SV2C: variants seen among roughly 807,000 people sequenced by gnomAD.
The protein encoded by SV2C is solute carrier family 22 member B3.
In SV2C, 49 loss-of-function variants were observed where a neutral mutation model predicts 79.7. The ratio of observed to expected loss-of-function variants is 0.61; its 90% CI spans 0.49 to 0.78. SV2C has a LOEUF of 0.78. Among genes scored for constraint, SV2C ranks in the 30% least tolerant of loss-of-function variants. The pLI is 0.00. For synonymous variants in SV2C, 334 were observed against 333.2 expected (o/e 1.00, Z -0.03); for missense variants, 833 against 912.9 (o/e 0.91, Z 1.13).
intron 2 of SV2C, chr5:76,173,844 C>A (rs376625037): frequency 7.1e-5 from 114 of 1,598,068 alleles, no homozygotes; most frequent in Non-Finnish European, 9.6e-5. Context: ...TTATTACCAA[C>A]AAGAATCATT....
chr5:76,350,020 A>G (rs779932783), intron 12 of SV2C, among the ~76,000 whole-genome samples: 16 of 152,176 alleles, frequency 1.1e-4, no homozygotes, highest in Non-Finnish European at 2.2e-4. Flanking sequence ...TTAGCTTCCC[A>G]CTGATGTTCA....
At chr5:75,886,455 C>G in the SV2C span, among the ~76,000 whole-genome samples, 2 of 152,156 alleles carry the variant, frequency 1.3e-5, no homozygotes, top group Non-Finnish European at 2.9e-5. Flanking sequence ...GGGCAGCTTC[C>G]TCCTTGTCCA....
At chr5:76,238,746 A>G (rs1745694460) in intron 4 of SV2C, among the ~76,000 whole-genome samples, 1 of 152,122 alleles carries the variant, frequency 6.6e-6, no homozygotes, top group Admixed American at 6.5e-5. Context: ...CATTTTCCAT[A>G]TTGGAGGAGT....
At chr5:76,105,484 C>T (rs1013296871) in intron 1 of SV2C, among the ~76,000 whole-genome samples, 3 of 152,120 alleles carry the variant, frequency 2.0e-5, no homozygotes, top group African/African-American at 7.2e-5. Flanking sequence ...AGTTGAGTAG[C>T]ACCTGCTTCT....
At chr5:76,103,181 A>G (rs1171402413) in intron 1 of SV2C, among the ~76,000 whole-genome samples, 1 of 152,106 alleles carries the variant, frequency 6.6e-6, no homozygotes, top group African/African-American at 2.4e-5. Flanking sequence ...AGCACCTTTG[A>G]TTCATTATTT....
chr5:76,257,698 G>C (rs190809457), intron 4 of SV2C, among the ~76,000 whole-genome samples: 5 of 150,830 alleles, frequency 3.3e-5, no homozygotes, highest in Admixed American at 1.3e-4. Flanking sequence ...GTATGTATAG[G>C]TGTGTAGGTA....
the SV2C span, among the ~76,000 whole-genome samples, chr5:76,061,268 TAAAAAAA>T: frequency 5.8e-5 from 3 of 51,618 alleles, no homozygotes; most frequent in African/African-American, 8.9e-5. Context: ...CTTCAATTTG[TAAAAAAA>T]AAAAAAAAAA....
chr5:75,920,796 A>G, the SV2C span: 2 of 778,034 alleles, frequency 2.6e-6, no homozygotes, highest in South Asian at 2.7e-5. Context: ...GATGCACTTC[A>G]GGGACTTGCC....
At chr5:75,975,478 T>C in the SV2C span, among the ~76,000 whole-genome samples, 1 of 152,192 alleles carries the variant, frequency 6.6e-6, no homozygotes, top group Non-Finnish European at 1.5e-5. Context: ...ACTTAGAGGA[T>C]GTCTAAGACC....
intron 4 of SV2C, among the ~76,000 whole-genome samples, chr5:76,251,642 G>T (rs1489739592): frequency 6.6e-6 from 1 of 152,144 alleles, no homozygotes; most frequent in Non-Finnish European, 1.5e-5. Context: ...TGGAACCAGG[G>T]AATTTGCATC....
At chr5:76,130,891 G>A (rs1412262193) in intron 1 of SV2C, among the ~76,000 whole-genome samples, 1 of 152,098 alleles carries the variant, frequency 6.6e-6, no homozygotes, top group East Asian at 1.9e-4. Flanking sequence ...GAAGGGACAT[G>A]GCATGGAGCT....
In SV2C at chr5:76,152,133, G is replaced by T. The variant is rs539062497; in HGVS notation, c.580+19803G>T. 2.6e-5 allele frequency among the ~76,000 whole-genome samples: 4 copies of T among 152,330 alleles called. No homozygotes were observed. The South Asian group carries it at 8.3e-4, about 32-fold the overall frequency. On this transcript the variant is annotated intron_variant, in intron 2 of 12. Coordinates refer to ENST00000502798, the MANE Select transcript of SV2C (RefSeq NM_014979.4). ...GGGCACAATAGATGAGTGCTTCTGA[G>T]GGGACGGGGCTGAGAAAAGGACACA...
chr5:76,341,405 T>C (rs1749438906), intron 12 of SV2C, among the ~76,000 whole-genome samples: 1 of 152,074 alleles, frequency 6.6e-6, no homozygotes, highest in Non-Finnish European at 1.5e-5. Flanking sequence ...AAAACACATA[T>C]GACCATGTGA....
At chr5:76,102,768 T>C (rs1747787809) in intron 1 of SV2C, among the ~76,000 whole-genome samples, 1 of 152,206 alleles carries the variant, frequency 6.6e-6, no homozygotes, top group Non-Finnish European at 1.5e-5. Context: ...GATGGTTTAC[T>C]TGTAGCCTTG....
intron 1 of SV2C, among the ~76,000 whole-genome samples, chr5:76,116,374 C>T (rs935598523): frequency 5.9e-5 from 9 of 152,180 alleles, no homozygotes; most frequent in African/African-American, 2.2e-4. Flanking sequence ...GAGTTCCTGC[C>T]ACATCACAAG....
At chr5:76,185,660 G>C (rs1010307563) in intron 2 of SV2C, among the ~76,000 whole-genome samples, 1 of 152,270 alleles carries the variant, frequency 6.6e-6, no homozygotes, top group Non-Finnish European at 1.5e-5. Flanking sequence ...AGCTGAAGCA[G>C]CTGGGATTCA....
chr5:76,285,942 A>C, intron 6 of SV2C, 72 bp downstream of exon 6: 1 of 1,434,844 alleles, frequency 7.0e-7, no homozygotes, highest in Non-Finnish European at 9.7e-7. Context: ...AAAAATTGTA[A>C]ATATTTTAGA....
the SV2C span, among the ~76,000 whole-genome samples, chr5:76,056,084 G>T: frequency 6.6e-6 from 1 of 152,126 alleles, no homozygotes; most frequent in Non-Finnish European, 1.5e-5. Flanking sequence ...TTTTCAAAGG[G>T]AATGCTTCCA....
rs34587990 is a variant in SV2C at position 76,207,165 on chromosome 5, CA to C, written c.762-2559del. 4.0e-3 allele frequency among the ~76,000 whole-genome samples: 572 copies of C among 143,122 alleles called. 3 individuals carry two copies. Among genetic ancestry groups the C allele is most frequent in the African/African-American group, 0.01 (394 of 39,246 alleles). The allele number at this position is 143,122 out of a possible 152,430, so 93.9% of individuals were successfully genotyped here. On this transcript the variant is annotated intron_variant, in intron 3 of 12. Coordinates refer to ENST00000502798, the MANE Select transcript of SV2C (RefSeq NM_014979.4). ...TCCACTTGAAATTATAGCCACACTG[CA>C]AAAAAAAAAAAGAAAGAAAGAAATT... is the stretch of plus-strand genomic sequence containing the variant.
Sources: allele counts gnomAD v4.1 joint callset (sites outside exome capture counted in the v4.1 genomes callset), GRCh38; gene constraint gnomAD v4.1.1; transcripts MANE v1.5; gene names NCBI Gene and HGNC (gene_info 2026-07-23, HGNC 2026-07-21).